Variants in CTNNA3 observed in about 807,000 individuals in gnomAD.
The protein encoded by CTNNA3 is catenin alpha-3.
Under a neutral mutation model 95.7 loss-of-function variants are expected in CTNNA3, and 76 were observed. The observed-to-expected ratio is 0.79, with a 90% CI of 0.66 to 0.96. CTNNA3 has a LOEUF of 0.96. Ranked by LOEUF, CTNNA3 falls within the 40% of genes least tolerant of loss-of-function variation. The pLI is 0.00. For synonymous variants in CTNNA3, 431 were observed against 374.4 expected (o/e 1.15, Z -1.74); for missense variants, 1,191 against 1,089.8 (o/e 1.09, Z -1.31).
chr10:66,117,099 G>A (rs908528587), intron 13 of CTNNA3, among the ~76,000 whole-genome samples: 11 of 152,170 alleles, frequency 7.2e-5, no homozygotes, highest in Admixed American at 2.6e-4. Context: ...GTGGTTATTT[G>A]AGAGTTGGTG....
chr10:67,011,927 A>G (rs1359800670), intron 7 of CTNNA3, among the ~76,000 whole-genome samples: 3 of 152,090 alleles, frequency 2.0e-5, no homozygotes, highest in Non-Finnish European at 2.9e-5. Flanking sequence ...CTTGAAACCC[A>G]CTATGGAGCC....
At chr10:66,848,771 T>G (rs1843371348) in intron 7 of CTNNA3, among the ~76,000 whole-genome samples, 1 of 152,182 alleles carries the variant, frequency 6.6e-6, no homozygotes, top group South Asian at 2.1e-4. Flanking sequence ...GGACACCAAA[T>G]AGATATTTTC....
At chr10:66,168,379 A>G (rs757569175) in intron 13 of CTNNA3, among the ~76,000 whole-genome samples, 1 of 152,074 alleles carries the variant, frequency 6.6e-6, no homozygotes, top group Non-Finnish European at 1.5e-5. Flanking sequence ...AAAAATACAC[A>G]TAGTCTGGCC....
At chr10:67,692,502 G>A (rs537012098) in intron 1 of CTNNA3, among the ~76,000 whole-genome samples, 35 of 134,878 alleles carry the variant, frequency 2.6e-4, no homozygotes, top group Middle Eastern at 3.7e-3. Context: ...GATTAAGGGC[G>A]GTGCAAGATG....
intron 13 of CTNNA3, among the ~76,000 whole-genome samples, chr10:66,217,223 G>A (rs2088604449): frequency 6.6e-6 from 1 of 151,982 alleles, no homozygotes; most frequent in South Asian, 2.1e-4. Context: ...GCGTGGTGGT[G>A]GGTGCTTGTA....
chr10:67,046,953 TA>T (rs1854790956), intron 7 of CTNNA3, among the ~76,000 whole-genome samples: 3 of 152,152 alleles, frequency 2.0e-5, no homozygotes, highest in Non-Finnish European at 4.4e-5. Flanking sequence ...AAGAAATAAT[TA>T]CCAATTTAGA....
At chr10:67,757,297 C>T (rs926494131) in intron 1 of CTNNA3, among the ~76,000 whole-genome samples, 4 of 152,160 alleles carry the variant, frequency 2.6e-5, no homozygotes, top group African/African-American at 7.2e-5. Flanking sequence ...CTAAGGTCAA[C>T]GTGGTGGTTA....
intron 1 of CTNNA3, among the ~76,000 whole-genome samples, chr10:67,728,373 A>C (rs1370770572): frequency 1.4e-5 from 2 of 147,040 alleles, no homozygotes; most frequent in African/African-American, 4.9e-5. Flanking sequence ...GAATCGCTTG[A>C]ACCTGGGAGG....
Position 66,520,654 on chromosome 10 carries a change from A to G in CTNNA3, c.1494T>C (p.Asp498=). 1.2e-6 allele frequency: 2 copies of G among 1,610,558 alleles called. No individual in the cohort carries two copies. The highest frequency in any genetic ancestry group is 1.7e-6 in the Non-Finnish European group (2 of 1,178,094). The change falls in exon 11 of 18, where the codon GAT becomes GAC. Residue 498 remains aspartate (D), a synonymous_variant. Transcript: ENST00000433211. ...GGAAGTCATCAATGCTTGTAATGTC[A>G]TCTACGGCTTCAGTGAGGACATGTA... is the stretch of plus-strand genomic sequence containing the variant. ...NHIHVLTEAV[D]DITSIDDFLA...
At chr10:66,678,625 T>A (rs1456207141) in intron 9 of CTNNA3, among the ~76,000 whole-genome samples, 1 of 152,168 alleles carries the variant, frequency 6.6e-6, no homozygotes, top group Non-Finnish European at 1.5e-5. Flanking sequence ...AGAACACTTT[T>A]GGGGCTATTT....
chr10:67,424,313 T>C (rs1054130630), intron 5 of CTNNA3, among the ~76,000 whole-genome samples: 3 of 152,158 alleles, frequency 2.0e-5, no homozygotes, highest in Non-Finnish European at 4.4e-5. Flanking sequence ...CCTCTTGTCA[T>C]TGTAACAAAA....
chr10:67,235,204 A>G (rs932336789), intron 5 of CTNNA3, among the ~76,000 whole-genome samples: 11 of 152,142 alleles, frequency 7.2e-5, no homozygotes, highest in Non-Finnish European at 1.6e-4. Context: ...CCGCATCGCC[A>G]AGGCAATCCT....
At chr10:66,686,896 T>C (rs1015843241) in intron 9 of CTNNA3, among the ~76,000 whole-genome samples, 3 of 152,104 alleles carry the variant, frequency 2.0e-5, no homozygotes, top group Non-Finnish European at 4.4e-5. Flanking sequence ...GTTGTTGTTG[T>C]TTTTTGTTTT....
chr10:67,739,428 C>A (rs1239836088), intron 1 of CTNNA3, among the ~76,000 whole-genome samples: 1 of 151,978 alleles, frequency 6.6e-6, no homozygotes, highest in East Asian at 1.9e-4. Flanking sequence ...AGCCCAAAAT[C>A]TCCTTAAGCT....
chr10:67,516,752 A>T (rs1839830499), intron 5 of CTNNA3, among the ~76,000 whole-genome samples: 1 of 152,174 alleles, frequency 6.6e-6, no homozygotes, highest in Non-Finnish European at 1.5e-5. Context: ...ATCAATATCT[A>T]CTAATTTCCT....
intron 10 of CTNNA3, among the ~76,000 whole-genome samples, chr10:66,587,159 G>A (rs1265319758): frequency 6.6e-6 from 1 of 152,162 alleles, no homozygotes; most frequent in Non-Finnish European, 1.5e-5. Context: ...AATGCCAGCT[G>A]TAGTAGTAGT....
chr10:65,921,328 C>A (rs10996776), intron 17 of CTNNA3, among the ~76,000 whole-genome samples: 8,952 of 152,220 alleles, frequency 0.059, 302 homozygotes, highest in East Asian at 0.15. Context: ...ACACTAAATA[C>A]CTATAAATCC....
At chr10:67,368,898 G>A (rs537302457) in intron 5 of CTNNA3, among the ~76,000 whole-genome samples, 19 of 152,242 alleles carry the variant, frequency 1.2e-4, no homozygotes, top group Admixed American at 7.2e-4. Flanking sequence ...CATTGCAGAC[G>A]GGCAAGAGAA....
At chr10:67,269,998 A>G (rs560025655) in intron 5 of CTNNA3, among the ~76,000 whole-genome samples, 3 of 152,252 alleles carry the variant, frequency 2.0e-5, no homozygotes, top group Admixed American at 6.5e-5. Context: ...GCATTTGTAT[A>G]TGATGGGTTT....
Sources: allele counts gnomAD v4.1 joint callset (sites outside exome capture counted in the v4.1 genomes callset), GRCh38; gene constraint gnomAD v4.1.1; transcripts MANE v1.5; gene names NCBI Gene and HGNC (gene_info 2026-07-23, HGNC 2026-07-21).